The following USP28 variants were observed in gnomAD, a reference collection of about 807,000 sequenced individuals.
USP28 encodes the protein ubiquitin carboxyl-terminal hydrolase 28.
In USP28, 113 loss-of-function variants were observed where a neutral mutation model predicts 145.0. The ratio of observed to expected loss-of-function variants is 0.78; its 90% CI spans 0.67 to 0.91. The LOEUF (loss-of-function observed/expected upper bound fraction) is 0.91, where lower values mean the gene tolerates loss of function less well. USP28 is among the 40% of genes least tolerant of loss of function. The pLI is 0.00. For missense variants in USP28, 1,201 were observed against 1,289.6 expected (o/e 0.93, Z 1.05); for synonymous variants, 447 against 450.9 (o/e 0.99, Z 0.11).
intron 12 of USP28, chr11:113,820,193 C>G (rs977276559): frequency 3.3e-5 from 5 of 152,136 alleles, no homozygotes; most frequent in African/African-American, 1.2e-4. Flanking sequence ...TCCTCTATAG[C>G]CTTAGGAAAG....
intron 16 of USP28, 136 bp from the exon 17 acceptor site, chr11:113,809,390 C>T: frequency 1.2e-6 from 1 of 842,838 alleles, no homozygotes; most frequent in South Asian, 1.8e-5. Flanking sequence ...ATCAGAAATG[C>T]AGGCTGAGTA....
chr11:113,803,853 A>G, exon 22 of USP28: 1 of 1,614,030 alleles, frequency 6.2e-7, no homozygotes, highest in Non-Finnish European at 8.5e-7. Context: ...ACTTTTCGGA[A>G]CAAACTATAA....
At chr11:113,858,267 A>G (rs894840765) in intron 1 of USP28, among the ~76,000 whole-genome samples, 1 of 152,120 alleles carries the variant, frequency 6.6e-6, no homozygotes, top group Non-Finnish European at 1.5e-5. Context: ...TCAAATCCAA[A>G]TTCCTCATCT....
chr11:113,873,537 G>A (rs962964332), intron 1 of USP28, among the ~76,000 whole-genome samples: 10 of 152,212 alleles, frequency 6.6e-5, no homozygotes, highest in Non-Finnish European at 1.3e-4. Flanking sequence ...AGAGGTAAAT[G>A]AAGATGCCAC....
chr11:113,875,464 G>A (rs1427150119), exon 1 of USP28: 6 of 1,237,032 alleles, frequency 4.9e-6, no homozygotes, highest in African/African-American at 1.6e-5. Context: ...GCCGTCTGCC[G>A]CGCCGGCCGC....
intron 18 of USP28, among the ~76,000 whole-genome samples, chr11:113,807,111 C>T (rs1395391782): frequency 2.0e-5 from 3 of 151,280 alleles, no homozygotes; most frequent in East Asian, 1.9e-4. Flanking sequence ...CTCGCTCTGT[C>T]GCCCAGGCTG....
chr11:113,804,780 G>GA, intron 20 of USP28, 29 bp from the exon 22 acceptor site: 1 of 1,612,274 alleles, frequency 6.2e-7, no homozygotes, highest in East Asian at 2.2e-5. Context: ...AGAAAGCAAT[G>GA]AAAAGGCACA....
intron 12 of USP28, chr11:113,821,136 C>A: frequency 8.5e-6 from 2 of 235,784 alleles, no homozygotes; most frequent in South Asian, 1.4e-4. Context: ...GATGGCATGT[C>A]CACCACCATC....
chr11:113,866,930 T>C (rs1037168838), intron 1 of USP28, among the ~76,000 whole-genome samples: 2 of 152,032 alleles, frequency 1.3e-5, no homozygotes, highest in African/African-American at 4.8e-5. Context: ...GCAAAACATA[T>C]CTATACATAC....
chr11:113,834,251 T>C lies in USP28; in HGVS notation c.619A>G (p.Thr207Ala), dbSNP rs375994652. The C allele has an allele frequency of 3.4e-5, 55 of 1,610,084 alleles. No homozygotes were observed. Among genetic ancestry groups the C allele is most frequent in the Admixed American group, 8.4e-5 (5 of 59,542 alleles). The change falls in exon 6 of 25, where the codon ACA becomes GCA. Residue 207 changes from threonine to alanine, a missense_variant and splice_region_variant. Thr to Ala is a moderately conservative substitution (Grantham distance 58, BLOSUM62 0). Transcript: ENST00000003302. ...GAAATTCCTTGACACCAACTTACTG[T>C]ATGACTTCGACAATTTTCAAGTACA...
intron 13 of USP28, among the ~76,000 whole-genome samples, chr11:113,815,776 A>G (rs960776980): frequency 6.6e-6 from 1 of 152,216 alleles, no homozygotes; most frequent in Non-Finnish European, 1.5e-5. Context: ...TAGGCCTGGA[A>G]GAATCAAGGA....
chr11:113,812,312 T>C, exon 16 of USP28: 1 of 1,614,124 alleles, frequency 6.2e-7, no homozygotes, highest in Non-Finnish European at 8.5e-7. Context: ...TTAATGTACA[T>C]CAGACAGTAA....
intron 5 of USP28, chr11:113,835,350 T>G (rs1306042193): frequency 2.2e-6 from 1 of 455,816 alleles, no homozygotes; most frequent in Non-Finnish European, 4.4e-6. Context: ...TAGGCAAAAC[T>G]TTGGAATTAG....
exon 11 of USP28, chr11:113,827,348 T>G (rs1462412884): frequency 1.3e-6 from 2 of 1,599,946 alleles, no homozygotes; most frequent in Non-Finnish European, 1.7e-6. Context: ...GGAGGTAGCT[T>G]TGTAAACCAA....
exon 4 of USP28, chr11:113,841,678 C>A (rs1945209423): frequency 1.2e-6 from 2 of 1,611,230 alleles, no homozygotes; most frequent in South Asian, 1.1e-5. Context: ...AAGATCTCTT[C>A]CATCAGCTTG....
At chr11:113,863,148 T>G (rs1947877127) in intron 1 of USP28, among the ~76,000 whole-genome samples, 1 of 152,144 alleles carries the variant, frequency 6.6e-6, no homozygotes. Flanking sequence ...TCCCAAAGAT[T>G]CTGCAAAAAA....
intron 18 of USP28, among the ~76,000 whole-genome samples, chr11:113,807,327 GC>G (rs540468745): frequency 2.6e-5 from 4 of 152,124 alleles, no homozygotes; most frequent in Non-Finnish European, 4.4e-5. Flanking sequence ...ACCCGCCTTG[GC>G]CTCCCAAAGG....
At chr11:113,869,547 T>C (rs1464714612) in intron 1 of USP28, among the ~76,000 whole-genome samples, 1 of 152,156 alleles carries the variant, frequency 6.6e-6, no homozygotes, top group African/African-American at 2.4e-5. Flanking sequence ...GCCTTGACGG[T>C]GTCACCACAC....
Position 113,852,576 on chromosome 11 carries a change from C to A in USP28, c.193G>T (p.Glu65Ter). The A allele has an allele frequency of 6.2e-7, 1 of 1,614,120 alleles. No individual in the cohort carries two copies. Among genetic ancestry groups the A allele is most frequent in the Non-Finnish European group, 8.5e-7 (1 of 1,180,018 alleles). The change falls in exon 3 of 25, where the codon GAG (glutamate) becomes TAG (stop). Residue 65 changes from glutamate (E) to a stop codon, truncating the protein, a stop_gained. Transcript: ENST00000003302. LOFTEE classifies it high-confidence loss of function. ...GTAGCAACAGTGTCTTGACTGGGCT[C>A]CTTAACTCTCTCATCAGTGAGAAGG...
Sources: allele counts gnomAD v4.1 joint callset (sites outside exome capture counted in the v4.1 genomes callset), GRCh38; gene constraint gnomAD v4.1.1; transcripts MANE v1.5; gene names NCBI Gene and HGNC (gene_info 2026-07-23, HGNC 2026-07-21).